Variants in SNX18 observed in about 807,000 individuals in gnomAD.
SNX18 encodes sorting nexin-18.
In SNX18, 35 loss-of-function variants were observed where a neutral mutation model predicts 48.7. That is an observed-to-expected ratio of 0.72 (90% CI 0.55 to 0.95). The LOEUF (loss-of-function observed/expected upper bound fraction) is 0.95. Among genes scored for constraint, SNX18 ranks in the 40% least tolerant of loss-of-function variants. The pLI is 0.00. For missense variants in SNX18, 824 were observed against 871.0 expected (o/e 0.95, Z 0.68); for synonymous variants, 492 against 384.7 (o/e 1.28, Z -3.26).
the SNX18 span, among the ~76,000 whole-genome samples, chr5:54,580,319 G>A: frequency 6.6e-6 from 1 of 152,162 alleles, no homozygotes; most frequent in Non-Finnish European, 1.5e-5. Flanking sequence ...TTAGCAGAAT[G>A]CCTTGAAAAG....
the SNX18 span, among the ~76,000 whole-genome samples, chr5:54,555,289 C>A: frequency 6.6e-6 from 1 of 152,186 alleles, no homozygotes; most frequent in South Asian, 2.1e-4. Context: ...TGGTATAATT[C>A]TCCTGCCTTC....
the SNX18 span, among the ~76,000 whole-genome samples, chr5:54,611,230 C>T: frequency 1.3e-5 from 2 of 152,118 alleles, no homozygotes; most frequent in Admixed American, 6.6e-5. Context: ...CATATCACTT[C>T]CTTCTGGTTT....
the SNX18 span, among the ~76,000 whole-genome samples, chr5:54,585,729 C>T: frequency 3.9e-5 from 6 of 152,180 alleles, no homozygotes; most frequent in Middle Eastern, 3.4e-3. Flanking sequence ...CCCGGCCGGG[C>T]GCGGTGGCTC....
At chr5:54,581,911 A>G in the SNX18 span, among the ~76,000 whole-genome samples, 1 of 152,172 alleles carries the variant, frequency 6.6e-6, no homozygotes, top group African/African-American at 2.4e-5. Flanking sequence ...ACAAACCCAG[A>G]ATCAGAGACA....
the SNX18 span, among the ~76,000 whole-genome samples, chr5:54,624,048 A>G: frequency 6.6e-6 from 1 of 152,246 alleles, no homozygotes; most frequent in Non-Finnish European, 1.5e-5. Context: ...GAAGGATTAC[A>G]GCTATCCAGT....
At chr5:54,569,017 A>AT in the SNX18 span, among the ~76,000 whole-genome samples, 1 of 151,376 alleles carries the variant, frequency 6.6e-6, no homozygotes, top group Non-Finnish European at 1.5e-5. Context: ...TAATTTTTGC[A>AT]TTTTTAGTAG....
the SNX18 span, among the ~76,000 whole-genome samples, chr5:54,583,389 G>C: frequency 6.6e-6 from 1 of 152,154 alleles, no homozygotes; most frequent in Non-Finnish European, 1.5e-5. Flanking sequence ...TTCAGATCTG[G>C]CTCTGGGTCT....
the SNX18 span, among the ~76,000 whole-genome samples, chr5:54,606,196 A>G: frequency 6.6e-6 from 1 of 152,234 alleles, no homozygotes; most frequent in Admixed American, 6.5e-5. Context: ...ATCCATTCAT[A>G]CATCTACTCT....
rs1442947971 is a variant in SNX18, at chr5:54,518,124, G to T, written c.172G>T (p.Val58Leu). The change falls in exon 1 of 2, where the codon GTG (valine) becomes TTG (leucine). Residue 58 changes from valine to leucine, a missense_variant. By Grantham distance (32) the Val-to-Leu change is conservative (BLOSUM62 1). This residue lies in a region of SNX18 where 377 missense variants were observed against 350.6 expected (regional missense o/e 1.08). Coordinates refer to ENST00000381410, the MANE Select transcript of SNX18 (RefSeq NM_001102575.2). ...RGLFPASYVQVIRAPEPGPAG... is the reference protein window; with the variant it reads ...RGLFPASYVQLIRAPEPGPAG... ...CCTCTTCCCGGCCTCCTATGTGCAG[G>T]TGATCCGCGCCCCCGAGCCTGGCCC... The T allele has an allele frequency of 8.9e-6, 13 of 1,456,792 alleles. No homozygotes were observed. In the African/African-American group the frequency reaches 1.0e-4, roughly 12 times the overall value. The allele number at this position is 1,456,792 out of a possible 1,614,324, so 90.2% of individuals were successfully genotyped here.
At chr5:54,605,469 T>A in the SNX18 span, among the ~76,000 whole-genome samples, 16 of 152,312 alleles carry the variant, frequency 1.1e-4, no homozygotes, top group Admixed American at 9.1e-4. Flanking sequence ...CATAGAGTAA[T>A]CATCTTCTTG....
the SNX18 span, among the ~76,000 whole-genome samples, chr5:54,618,307 A>G: frequency 6.6e-6 from 1 of 152,220 alleles, no homozygotes; most frequent in African/African-American, 2.4e-5. Context: ...TCTGTCTTTT[A>G]CAAATGACCC....
At chr5:54,561,504 A>ATTTTTTTTTTTTTTTTTTTTTTTTT in the SNX18 span, among the ~76,000 whole-genome samples, 6 of 133,008 alleles carry the variant, frequency 4.5e-5, no homozygotes, top group African/African-American at 1.4e-4. Context: ...CGCCCAGCTA[A>ATTTTTTTTTTTTTTTTTTTTTTTTT]TTTTTTTTTT....
the SNX18 span, among the ~76,000 whole-genome samples, chr5:54,560,651 TAA>T: frequency 6.6e-6 from 1 of 152,048 alleles, no homozygotes; most frequent in African/African-American, 2.4e-5. Context: ...AAGATAAAAA[TAA>T]AAGAAAAGAG....
At chr5:54,519,916 C>A in intron 1 of SNX18, 1 of 1,202,548 alleles carries the variant, frequency 8.3e-7, no homozygotes, top group Non-Finnish European at 1.2e-6. Flanking sequence ...GGACCTAAAC[C>A]ATGTTAGGTA....
At chr5:54,536,164 A>G (rs1339448120) in intron 1 of SNX18, among the ~76,000 whole-genome samples, 3 of 152,126 alleles carry the variant, frequency 2.0e-5, no homozygotes, top group Non-Finnish European at 4.4e-5. Flanking sequence ...GTTCGGTATC[A>G]CTGTATTGGG....
At chr5:54,565,246 A>G in the SNX18 span, among the ~76,000 whole-genome samples, 1 of 152,118 alleles carries the variant, frequency 6.6e-6, no homozygotes, top group Admixed American at 6.5e-5. Flanking sequence ...CATTTGGGGG[A>G]CCATTATTCT....
chr5:54,569,057 G>A, the SNX18 span, among the ~76,000 whole-genome samples: 777 of 151,422 alleles, frequency 5.1e-3, 4 homozygotes, highest in Non-Finnish European at 7.4e-3. Flanking sequence ...TTGCCAGGCT[G>A]GTCTCAAACT....
At chr5:54,607,473 G>T in the SNX18 span, among the ~76,000 whole-genome samples, 2 of 152,128 alleles carry the variant, frequency 1.3e-5, no homozygotes, top group African/African-American at 4.8e-5. Context: ...AGTTTAGGTG[G>T]GAATTTATCC....
chr5:54,575,475 G>A, the SNX18 span, among the ~76,000 whole-genome samples: 1 of 147,572 alleles, frequency 6.8e-6, no homozygotes. Flanking sequence ...TGGTTCAAGC[G>A]ATTCTCCTGC....
Sources: allele counts gnomAD v4.1 joint callset (sites outside exome capture counted in the v4.1 genomes callset), GRCh38; gene constraint gnomAD v4.1.1; regional missense constraint gnomAD v4.1.1; transcripts MANE v1.5; gene names NCBI Gene and HGNC (gene_info 2026-07-23, HGNC 2026-07-21).